The following FAM86B1 variants were observed in gnomAD, a reference collection of about 807,000 sequenced individuals.
FAM86B1 encodes the protein putative protein N-methyltransferase FAM86B1.
For missense variants in FAM86B1, 13 were observed against 328.1 expected (o/e 0.04, Z 7.42); for synonymous variants, 4 against 137.6 (o/e 0.03, Z 6.79).
At chr8:12,192,826 C>T (rs1358064817) in intron 1 of FAM86B1, among the ~76,000 whole-genome samples, 1 of 150,442 alleles carries the variant, frequency 6.6e-6, no homozygotes, top group Non-Finnish European at 1.5e-5. Context: ...TTACCATGAG[C>T]CAGGCACTGA....
rs1161687880 is a variant in FAM86B1, at chr8:12,182,144, C to A, written c.*1462G>T. 1 of 148,856 alleles carries A rather than the reference C, an allele frequency of 6.7e-6. No individual in the cohort carries two copies. The highest frequency in any genetic ancestry group is 1.3e-5 in the Non-Finnish European group (1 of 77,066). The allele number at this position is 148,856 out of a possible 1,614,324, so 9.2% of individuals were successfully genotyped here. A position where few individuals can be genotyped will look rare whatever the true frequency, so the allele number is the denominator to read the frequency against. On this transcript the variant is annotated 3_prime_UTR_variant, in exon 7 of 7. Transcript: ENST00000448228. ...ACAAAGCTTTATTTACAAACACAGGCTGTGGGCTGGATTTGGCCTGCAGGC... is the reference window on the plus strand; with the variant it reads ...ACAAAGCTTTATTTACAAACACAGGATGTGGGCTGGATTTGGCCTGCAGGC...
At chr8:12,183,879 C>A in intron 6 of FAM86B1, among the ~76,000 whole-genome samples, 173 bp from the exon 7 acceptor site, 1 of 27,592 alleles carries the variant, frequency 3.6e-5, no homozygotes, top group African/African-American at 2.7e-4. Context: ...AGGATGGGAC[C>A]AGAACTCTGG....
At chr8:12,188,581 C>A (rs1218992695) in intron 3 of FAM86B1, among the ~76,000 whole-genome samples, 2 of 138,280 alleles carry the variant, frequency 1.4e-5, no homozygotes, top group African/African-American at 6.5e-5. Context: ...GTGTTTGGAT[C>A]AAACACAGAG....
chr8:12,192,812 G>T lies in FAM86B1; in HGVS notation c.97-971C>A, dbSNP rs1274773930. On this transcript the variant is annotated intron_variant, in intron 1 of 6. Transcript: ENST00000448228. ...AGAAAACACTAGCTAACACCGACAT[G>T]CATTTACCATGAGCCAGGCACTGAT... is the stretch of plus-strand genomic sequence containing the variant. Among the ~76,000 whole-genome samples the T allele has an allele frequency of 4.7e-4, 70 of 150,254 alleles. No individual in the cohort carries two copies. The East Asian group carries it at 0.013, about 28-fold the overall frequency.
At chr8:12,194,866 G>C (rs1301431630), upstream of FAM86B1, 6 of 151,042 alleles carry the variant, frequency 4.0e-5, no homozygotes, top group Admixed American at 6.6e-5. Flanking sequence ...TTGAGGAGGG[G>C]ATCGGAATGT....
At chr8:12,186,224 A>G (rs1805786228) in intron 5 of FAM86B1, 128 bp downstream of exon 5, 4 of 998,170 alleles carry the variant, frequency 4.0e-6, no homozygotes, top group East Asian at 6.8e-5. Flanking sequence ...GGAGGCCCAG[A>G]GTAACTCTTC....
In FAM86B1 at chr8:12,186,511, C is replaced by T. The variant is rs200630143; in HGVS notation, c.481G>A (p.Glu161Lys). ...AGAAGGACATTCCCTCGGAGCTGCT[C>T]GAGGACCCGGCTGTGAGGGTCGCTG... ...IFSDPHSRVL[E>K]QLRGNVLLNG... Residue 161 changes from glutamate to lysine, a missense_variant, in exon 5 of 7, where the codon GAG (glutamate) becomes AAG (lysine). Transcript: ENST00000448228. The T allele has an allele frequency of 8.7e-3, 13,781 of 1,580,312 alleles. 94 individuals carry two copies. The highest frequency in any genetic ancestry group is 0.069 in the East Asian group (2,877 of 41,838).
chr8:12,183,797 T>TG (rs1211197499), intron 6 of FAM86B1, 91 bp from the exon 7 acceptor site: 17 of 1,228,596 alleles, frequency 1.4e-5, no homozygotes, highest in Admixed American at 1.9e-5. Context: ...CCTGGCGGGG[T>TG]GGGGGGTGTC....
intron 3 of FAM86B1, among the ~76,000 whole-genome samples, chr8:12,189,374 C>T: frequency 8.5e-6 from 1 of 117,880 alleles, no homozygotes; most frequent in African/African-American, 4.1e-5. Flanking sequence ...GAGAATTCAC[C>T]AGAGGAACTA....
At chr8:12,189,243 T>A (rs1262815723) in intron 3 of FAM86B1, among the ~76,000 whole-genome samples, 1 of 144,152 alleles carries the variant, frequency 6.9e-6, no homozygotes, top group East Asian at 2.0e-4. Flanking sequence ...TGAGACTCTG[T>A]CTCAAAAAAA....
chr8:12,190,729 C>T lies in FAM86B1; in HGVS notation c.160-841G>A, dbSNP rs1425221429. On this transcript the variant is annotated intron_variant, in intron 2 of 6. Transcript: ENST00000448228. ...CCTCCCGAGTAGCTGGGACTATAGG[C>T]GTGCACCACCACACCCAGCTAATTT... is the stretch of plus-strand genomic sequence containing the variant. Among the ~76,000 whole-genome samples, 3 of 97,238 alleles carry T rather than the reference C, an allele frequency of 3.1e-5. No individual in the cohort carries two copies. In the Admixed American group the frequency reaches 3.5e-4, roughly 11 times the overall value. The allele number at this position is 97,238 out of a possible 152,430, so 63.8% of individuals were successfully genotyped here.
At position 12,191,155 on chromosome 8, in the gene FAM86B1, C is replaced by T. The variant is rs1317672202; in HGVS notation, c.159+624G>A. Among the ~76,000 whole-genome samples, 4 of 104,786 alleles carry T rather than the reference C, an allele frequency of 3.8e-5. No individual in the cohort carries two copies. In the East Asian group the frequency reaches 1.1e-3, roughly 28 times the overall value. The allele number at this position is 104,786 out of a possible 152,430, so 68.7% of individuals were successfully genotyped here. The stretch of plus-strand genomic sequence containing the variant: ...GGTGGGCGTGGAGGATGTCTGCCTC[C>T]CCTGAGTTTGTATGGAAAATGTATT... On this transcript the variant is annotated intron_variant, in intron 2 of 6. Coordinates refer to ENST00000448228, the MANE Select transcript of FAM86B1 (RefSeq NM_001083537.4).
chr8:12,194,652 G>T (rs1187453535), upstream of FAM86B1: 7 of 177,108 alleles, frequency 4.0e-5, no homozygotes, highest in African/African-American at 1.5e-4. Flanking sequence ...GGGGCCCAGT[G>T]CCCGGGAGGC....
In FAM86B1 at chr8:12,182,383, T is replaced by C. The variant is rs539720333; in HGVS notation, c.*1223A>G. 63 of 565,336 alleles carry C rather than the reference T, an allele frequency of 1.1e-4. No individual in the cohort carries two copies. The Admixed American group carries it at 1.9e-3, about 17-fold the overall frequency. 35.0% of individuals were successfully genotyped at this position (565,336 alleles called of 1,614,324 possible). A position where few individuals can be genotyped will look rare whatever the true frequency, so the allele number is the denominator to read the frequency against. On this transcript the variant is annotated 3_prime_UTR_variant, in exon 7 of 7. Transcript: ENST00000448228. ...GGGGAAGTTTCCAGAAAGCATGATG[T>C]CAAGTTGGAAGTGGAGCGCTGCTGG...
At chr8:12,191,089 C>T (rs1474030875) in intron 2 of FAM86B1, among the ~76,000 whole-genome samples, 3 of 140,720 alleles carry the variant, frequency 2.1e-5, no homozygotes, top group African/African-American at 8.4e-5. Flanking sequence ...TCATCTCTAG[C>T]ACAGGAATTC....
Position 12,182,372 on chromosome 8 carries a change from A to G in FAM86B1, c.*1234T>C. The G allele has an allele frequency of 5.5e-6, 3 of 540,674 alleles. No homozygotes were observed. Among genetic ancestry groups the G allele is most frequent in the South Asian group, 4.3e-5 (2 of 47,048 alleles). 33.5% of individuals were successfully genotyped at this position (540,674 alleles called of 1,614,324 possible). A position where few individuals can be genotyped will look rare whatever the true frequency, so the allele number is the denominator to read the frequency against. On this transcript the variant is annotated 3_prime_UTR_variant, in exon 7 of 7. Transcript: ENST00000448228. ...GTGGGACATACGGGGAAGTTTCCAG[A>G]AAGCATGATGTCAAGTTGGAAGTGG...
At chr8:12,194,141 G>A (rs1402269999), upstream of FAM86B1, 3 of 1,461,796 alleles carry the variant, frequency 2.1e-6, no homozygotes, top group Admixed American at 2.0e-5. Context: ...GAGGGGGCGG[G>A]CCGAGGGCAG....
rs1435726065 is a variant in FAM86B1, at chr8:12,191,051, G to A, written c.159+728C>T. On this transcript the variant is annotated intron_variant, in intron 2 of 6. Coordinates refer to ENST00000448228, the MANE Select transcript of FAM86B1 (RefSeq NM_001083537.4). ...CCCGAAAGTCTTCCCTGCTGTGGCT[G>A]CATCTTTTCCACGTGGATAATCTTG... Among the ~76,000 whole-genome samples, 3 of 149,260 alleles carry A rather than the reference G, an allele frequency of 2.0e-5. No individual in the cohort carries two copies. The East Asian group carries it at 5.8e-4, about 29-fold the overall frequency.
At position 12,186,333 on chromosome 8, in the gene FAM86B1, G is replaced by T; in HGVS notation, c.640+19C>A. The T allele has an allele frequency of 6.6e-7, 1 of 1,505,008 alleles. No homozygotes were observed. The highest frequency in any genetic ancestry group is 8.9e-7 in the Non-Finnish European group (1 of 1,129,248). The allele number at this position is 1,505,008 out of a possible 1,614,324, so 93.2% of individuals were successfully genotyped here. On this transcript the variant is annotated intron_variant, in intron 5 of 6. Coordinates refer to ENST00000448228, the MANE Select transcript of FAM86B1 (RefSeq NM_001083537.4). ...TGCAAGGACACCGCCTGCACAGGAT[G>T]CCCGGGGCTGGGCATTACCTGCTGC...
Sources: allele counts gnomAD v4.1 joint callset (sites outside exome capture counted in the v4.1 genomes callset), GRCh38; gene constraint gnomAD v4.1.1; transcripts MANE v1.5; gene names NCBI Gene and HGNC (gene_info 2026-07-23, HGNC 2026-07-21).